PLAAT2: variants seen among roughly 807,000 people sequenced by gnomAD.
PLAAT2 encodes the protein HRAS like suppressor 2.
In PLAAT2, 12 loss-of-function variants were observed where a neutral mutation model predicts 12.8. That is an observed-to-expected ratio of 0.94 (90% CI 0.60 to 1.52). The LOEUF (loss-of-function observed/expected upper bound fraction) is 1.52. Among genes scored for constraint, PLAAT2 ranks in the 40% most tolerant of loss-of-function variants. The probability of loss-of-function intolerance (pLI) is 0.00; values close to 1 mark genes in which losing one functional copy is unlikely to be tolerated. For missense variants in PLAAT2, 166 were observed against 208.1 expected, an observed-to-expected ratio of 0.80 and a Z score of 1.24; for synonymous variants, 79 against 86.8, an observed-to-expected ratio of 0.91 and a Z score of 0.50.
intron 1 of PLAAT2, 40 bp downstream of exon 1, chr11:63,563,276 T>C (rs2017534482): frequency 1.2e-6 from 2 of 1,613,238 alleles, no homozygotes; most frequent in Admixed American, 3.3e-5. Context: ...GGGTGGTTGT[T>C]CCTCAAATCA....
At position 63,558,373 on chromosome 11, in the gene PLAAT2, A is replaced by T; in HGVS notation, c.387+19T>A. 1 of 1,610,026 alleles carries T rather than the reference A, an allele frequency of 6.2e-7. No homozygotes were observed. Among genetic ancestry groups the T allele is most frequent in the Non-Finnish European group, 8.5e-7 (1 of 1,177,002 alleles). On this transcript the variant is annotated intron_variant, in intron 3 of 3. Transcript: ENST00000255695. ...GAGTGGCCTGGCTCCTGGGAAGGGG[A>T]TGCAGGCTGAAGATGCACCTGGTCA... is the stretch of plus-strand genomic sequence containing the variant.
intron 1 of PLAAT2, among the ~76,000 whole-genome samples, chr11:63,561,300 CG>C (rs2017515890): frequency 6.6e-6 from 1 of 152,106 alleles, no homozygotes; most frequent in Non-Finnish European, 1.5e-5. Context: ...AATCATACAA[CG>C]GACTCTGAAG....
intron 1 of PLAAT2, among the ~76,000 whole-genome samples, chr11:63,561,624 G>A (rs1291491326): frequency 8.2e-6 from 1 of 122,100 alleles, no homozygotes; most frequent in African/African-American, 3.0e-5. Context: ...CAGCCTGGGC[G>A]ATAGAGTGAG....
chr11:63,558,701 G>A lies in PLAAT2; in HGVS notation c.119-41C>T, dbSNP rs1335037659. 3.1e-6 allele frequency: 5 copies of A among 1,603,052 alleles called. No homozygotes were observed. The African/African-American group carries it at 4.0e-5, about 13-fold the overall frequency. ...GTTCAGTCCTGGGCAGGGCCTGGGG[G>A]GCTCAGAGCTGGAAGCCAAGCAGCC... On this transcript the variant is annotated intron_variant, in intron 2 of 3. Coordinates refer to ENST00000255695, the MANE Select transcript of PLAAT2 (RefSeq NM_017878.2).
rs1168768155 is a variant in PLAAT2 at position 63,558,514 on chromosome 11, A to G, written c.265T>C (p.Ser89Pro). 1.2e-6 allele frequency: 2 copies of G among 1,614,206 alleles called. No homozygotes were observed. The highest frequency in any genetic ancestry group is 2.2e-5 in the East Asian group (1 of 44,886). ...KHDDRYTPLP[S>P]NKIVKRAEEL... is the part of the protein sequence containing the mutation. Reference sequence around the variant, plus strand: ...TCTGCCCGCTTGACGATTTTGTTGGAAGGCAGTGGTGTGTATCTGTCATCG... The same window carrying G: ...TCTGCCCGCTTGACGATTTTGTTGGGAGGCAGTGGTGTGTATCTGTCATCG... The change falls in exon 3 of 4, where the codon TCC becomes CCC. Residue 89 changes from serine to proline, a missense_variant. Transcript: ENST00000255695.
In PLAAT2 at chr11:63,558,614, G is replaced by A. The variant is rs745738366; in HGVS notation, c.165C>T (p.Thr55=). 1 of 1,614,196 alleles carries A rather than the reference G, an allele frequency of 6.2e-7. No individual in the cohort carries two copies. Among genetic ancestry groups the A allele is most frequent in the Non-Finnish European group, 8.5e-7 (1 of 1,180,034 alleles). Residue 55 remains threonine, a synonymous_variant, in exon 3 of 4, where the codon ACC becomes ACT. Transcript: ENST00000255695. ...AGAASVLSAL[T]NKAIVKKELL... is the part of the protein sequence containing the mutation. ...GTTCCTTCTTCACTATGGCTTTGTT[G>A]GTCAGGGCAGACAGGACACTGGCCG...
intron 3 of PLAAT2, among the ~76,000 whole-genome samples, chr11:63,555,753 TATC>T (rs2017460882): frequency 6.6e-6 from 1 of 152,140 alleles, no homozygotes; most frequent in African/African-American, 2.4e-5. Context: ...TATATGCAAA[TATC>T]ATACCATTTT....
intron 3 of PLAAT2, among the ~76,000 whole-genome samples, chr11:63,557,178 T>C (rs1172530482): frequency 1.3e-5 from 2 of 151,862 alleles, no homozygotes; most frequent in Non-Finnish European, 2.9e-5. Context: ...TTTTTTACAT[T>C]TATGATTTTT....
chr11:63,563,180 C>G (rs1316815164), intron 1 of PLAAT2, 136 bp downstream of exon 1: 2 of 988,836 alleles, frequency 2.0e-6, no homozygotes, highest in Admixed American at 2.1e-5. Context: ...TCTGAGAGAG[C>G]CAGACCCCCA....
chr11:63,559,326 G>A (rs1465405488), intron 2 of PLAAT2, among the ~76,000 whole-genome samples: 1 of 152,052 alleles, frequency 6.6e-6, no homozygotes, highest in Non-Finnish European at 1.5e-5. Context: ...AAAAGAAAAT[G>A]TCACCCATTG....
chr11:63,564,937 G>A (rs1015403940), upstream of PLAAT2, among the ~76,000 whole-genome samples: 1 of 152,178 alleles, frequency 6.6e-6, no homozygotes. Flanking sequence ...GCAGGGCGGA[G>A]TTGGGGAGGA....
In PLAAT2 at chr11:63,563,363, G is replaced by A. The variant is rs140105618; in HGVS notation, c.-39C>T. On this transcript the variant is annotated 5_prime_UTR_variant, in exon 1 of 4. Transcript: ENST00000255695. ...TGATGTCTTGTGTGTTGCTGACTCT[G>A]TGTCCAGCCTTAAATTAGCTCTGAG... 321 of 1,613,736 alleles carry A rather than the reference G, an allele frequency of 2.0e-4. 2 individuals carry two copies. The African/African-American group carries it at 3.9e-3, about 19-fold the overall frequency.
At chr11:63,558,794 A>T in intron 2 of PLAAT2, 134 bp from the exon 3 acceptor site, 1 of 1,097,866 alleles carries the variant, frequency 9.1e-7, no homozygotes, top group Non-Finnish European at 1.3e-6. Flanking sequence ...CTGGCCTCAA[A>T]CTTGAAAACA....
At chr11:63,562,671 G>A (rs1042712931) in intron 1 of PLAAT2, among the ~76,000 whole-genome samples, 1 of 152,168 alleles carries the variant, frequency 6.6e-6, no homozygotes, top group Non-Finnish European at 1.5e-5. Context: ...TACTTCATAG[G>A]ATTGCTTATT....
In PLAAT2 at chr11:63,553,051, G is replaced by T; in HGVS notation, c.402C>A (p.Val134=). 3 of 1,612,750 alleles carry T rather than the reference G, an allele frequency of 1.9e-6. No homozygotes were observed. The South Asian group carries it at 3.3e-5, about 18-fold the overall frequency. ...GGCCTGCTGCCACACCTACTGTCGT[G>T]ACTGCACCAGTGACCTGCAGCAGAA... The part of the protein sequence containing the change: ...VSRSDQVTGA[V]TTVGVAAGLL... Residue 134 remains valine (V), a synonymous_variant, in exon 4 of 4, where the codon GTC becomes GTA. Coordinates refer to ENST00000255695, the MANE Select transcript of PLAAT2 (RefSeq NM_017878.2).
chr11:63,562,397 T>C (rs905655779), intron 1 of PLAAT2, among the ~76,000 whole-genome samples: 13 of 152,138 alleles, frequency 8.5e-5, no homozygotes, highest in Admixed American at 8.5e-4. Context: ...TATAAGCACA[T>C]ACCATTATCC....
intron 3 of PLAAT2, 94 bp downstream of exon 3, chr11:63,558,298 T>C (rs1033526194): frequency 2.1e-6 from 3 of 1,413,900 alleles, no homozygotes; most frequent in Non-Finnish European, 2.9e-6. Flanking sequence ...CTCATGTCTA[T>C]TTCCATCCCA....
At chr11:63,555,291 A>T (rs2017456871) in intron 3 of PLAAT2, among the ~76,000 whole-genome samples, 1 of 152,166 alleles carries the variant, frequency 6.6e-6, no homozygotes, top group African/African-American at 2.4e-5. Flanking sequence ...ACATCCATGG[A>T]TCCAATCAAT....
chr11:63,560,241 A>T (rs770852536), intron 1 of PLAAT2, 48 bp from the exon 2 acceptor site: 17 of 1,434,502 alleles, frequency 1.2e-5, no homozygotes, highest in Non-Finnish European at 1.7e-5. Context: ...ATCTGCAGGA[A>T]ACATTCTAGG....
Sources: allele counts gnomAD v4.1 joint callset (sites outside exome capture counted in the v4.1 genomes callset), GRCh38; gene constraint gnomAD v4.1.1; transcripts MANE v1.5; gene names NCBI Gene and HGNC (gene_info 2026-07-23, HGNC 2026-07-21).